Variants in LRP1 observed in about 807,000 individuals in gnomAD.
LRP1 encodes the protein prolow-density lipoprotein receptor-related protein 1.
A neutral mutation model predicts 541.5 loss-of-function variants in LRP1; 51 were observed. The ratio of observed to expected loss-of-function variants is 0.09; its 90% confidence interval spans 0.08 to 0.12. The LOEUF is 0.12. LRP1 is among the 10% of genes least tolerant of loss of function. The pLI is 1.00. For missense variants in LRP1, 3,878 were observed against 6,376.2 expected (o/e 0.61, Z 13.34); for synonymous variants, 2,219 against 2,470.8 (o/e 0.90, Z 3.02).
intron 17 of LRP1, 58 bp downstream of exon 17, chr12:57,166,267 C>T (rs1001211756): frequency 2.4e-5 from 37 of 1,534,134 alleles, no homozygotes; most frequent in Middle Eastern, 1.7e-4. Flanking sequence ...GCAGGGGAGA[C>T]GAGGGGGCCA....
At chr12:57,167,121 C>A in intron 18 of LRP1, 75 bp downstream of exon 18, 2 of 1,238,684 alleles carry the variant, frequency 1.6e-6, no homozygotes, top group Non-Finnish European at 2.3e-6. Flanking sequence ...GTTGGGGGTG[C>A]CGGAGACACC....
intron 15 of LRP1, among the ~76,000 whole-genome samples, chr12:57,164,273 C>T (rs1244685767): frequency 6.6e-6 from 1 of 152,188 alleles, no homozygotes; most frequent in Non-Finnish European, 1.5e-5. Context: ...ACCACTGTTA[C>T]CATTTGGGGG....
chr12:57,141,665 C>T (rs150660560), intron 3 of LRP1, among the ~76,000 whole-genome samples, 154 bp downstream of exon 3: 111 of 152,338 alleles, frequency 7.3e-4, no homozygotes, highest in African/African-American at 2.6e-3. Flanking sequence ...ATTGATGTGC[C>T]CCTTGGGCCT....
chr12:57,187,476 T>C lies in LRP1; in HGVS notation c.7031+20T>C. The C allele has an allele frequency of 2.5e-6, 4 of 1,605,984 alleles. No individual in the cohort carries two copies. Among genetic ancestry groups the C allele is most frequent in the Non-Finnish European group, 3.4e-6 (4 of 1,175,666 alleles). The stretch of plus-strand genomic sequence containing the variant: ...CCAGAAGTGAGCTGCTGCCTGGGGA[T>C]GGGGGTAGCAGGGAGAGGTGGGACT... On this transcript the variant is annotated intron_variant, in intron 42 of 88. Coordinates refer to ENST00000243077, the MANE Select transcript of LRP1 (RefSeq NM_002332.3).
intron 61 of LRP1, 81 bp from the exon 62 acceptor site, chr12:57,199,796 C>T (rs921568721): frequency 1.8e-5 from 27 of 1,485,772 alleles, no homozygotes; most frequent in African/African-American, 4.2e-5. Context: ...ACCCACCCGC[C>T]TCTGTCCAGG....
chr12:57,151,343 T>A (rs1212950740), intron 6 of LRP1, among the ~76,000 whole-genome samples: 1 of 152,214 alleles, frequency 6.6e-6, no homozygotes, highest in Non-Finnish European at 1.5e-5. Flanking sequence ...GTCTCTCGTC[T>A]GACTCCTGCA....
chr12:57,162,813 T>C lies in LRP1; in HGVS notation c.2405-45T>C, dbSNP rs1053611356. 6 of 1,569,472 alleles carry C rather than the reference T, an allele frequency of 3.8e-6. No individual in the cohort carries two copies. The highest frequency in any genetic ancestry group is 1.7e-4 in the Middle Eastern group (1 of 6,022). ...CCCCTATCCCTTCTCTGACCTCTCCTCACCTCTTCCTCCCTTTGCCTTTCC... is the reference window on the plus strand; with the variant it reads ...CCCCTATCCCTTCTCTGACCTCTCCCCACCTCTTCCTCCCTTTGCCTTTCC... On this transcript the variant is annotated intron_variant, in intron 14 of 88. Coordinates refer to ENST00000243077, the MANE Select transcript of LRP1 (RefSeq NM_002332.3). The surrounding 1 kb of genome is among the most constrained non-coding windows in gnomAD (Gnocchi z 5.2).
chr12:57,167,783 C>G (rs574844136), intron 19 of LRP1, among the ~76,000 whole-genome samples: 1 of 152,206 alleles, frequency 6.6e-6, no homozygotes, highest in South Asian at 2.1e-4. Context: ...TAGTAGGGCT[C>G]GGAGGCCAGG....
At chr12:57,145,642 G>A in intron 6 of LRP1, 152 bp downstream of exon 6, 1 of 1,046,882 alleles carries the variant, frequency 9.6e-7, no homozygotes, top group Non-Finnish European at 1.4e-6. Context: ...TGTGTTTGAG[G>A]CAGGGGCAGA....
At chr12:57,166,867 G>A in intron 17 of LRP1, 63 bp from the exon 18 acceptor site, 1 of 847,412 alleles carries the variant, frequency 1.2e-6, no homozygotes, top group South Asian at 1.4e-5. Flanking sequence ...GAATAATAGG[G>A]AAGAAGAGGC....
rs781268993 is a variant in LRP1, at chr12:57,198,620, G to A, written c.9626G>A (p.Arg3209His). The part of the protein sequence containing the change: ...VTERIYWADA[R>H]EDYIEFASLD... ...GAGCGCATCTACTGGGCCGACGCCC[G>A]CGAGGACTACATTGAATTTGCCAGC... The change falls in exon 60 of 89, where the codon CGC becomes CAC. Residue 3209 changes from arginine (R) to histidine (H), a missense_variant. By Grantham distance (29) the Arg-to-His change is conservative. Coordinates refer to ENST00000243077, the MANE Select transcript of LRP1 (RefSeq NM_002332.3). The A allele has an allele frequency of 2.2e-5, 35 of 1,613,134 alleles. No homozygotes were observed. The highest frequency in any genetic ancestry group is 2.6e-5 in the Non-Finnish European group (31 of 1,179,756).
In LRP1 at chr12:57,206,844, C is replaced by T. The variant is rs557140726; in HGVS notation, c.11859+103C>T. ...AGTGCTGGCTAGGCGCAGTGGCTCA[C>T]GCCTATAATCCCAGCACTTTGGGAG... On this transcript the variant is annotated intron_variant, in intron 76 of 88. Transcript: ENST00000243077. This position sits in a 1 kb window ranked among gnomAD's most constrained non-coding sequence, Gnocchi z 4.7. 1.0e-5 allele frequency: 14 copies of T among 1,334,746 alleles called. No individual in the cohort carries two copies. Among genetic ancestry groups the T allele is most frequent in the Admixed American group, 8.0e-5 (4 of 50,220 alleles). The allele number at this position is 1,334,746 out of a possible 1,614,324, so 82.7% of individuals were successfully genotyped here.
chr12:57,156,075 T>C lies in LRP1; in HGVS notation c.1228-19T>C. ...ACCCCTGTCATCTCATGCTGTCCAT[T>C]CTTGCCTGCCCGTCTCAGATTGAGC... is the stretch of plus-strand genomic sequence containing the variant. On this transcript the variant is annotated intron_variant, in intron 8 of 88. Coordinates refer to ENST00000243077, the MANE Select transcript of LRP1 (RefSeq NM_002332.3). This position sits in a 1 kb window ranked among gnomAD's most constrained non-coding sequence, Gnocchi z 5.2. The C allele has an allele frequency of 6.2e-7, 1 of 1,609,406 alleles. No individual in the cohort carries two copies. The highest frequency in any genetic ancestry group is 8.5e-7 in the Non-Finnish European group (1 of 1,177,024).
At position 57,197,937 on chromosome 12, in the gene LRP1, C is replaced by T. The variant is rs373782493; in HGVS notation, c.9283-219C>T. ...TGGCCAAGCACTGTGAGGCTTGGGG[C>T]GTGGTCCCATTCACCTAGAGCCCCC... On this transcript the variant is annotated intron_variant, in intron 58 of 88. Coordinates refer to ENST00000243077, the MANE Select transcript of LRP1 (RefSeq NM_002332.3). This position sits in a 1 kb window ranked among gnomAD's most constrained non-coding sequence, Gnocchi z 4.5. Among the ~76,000 whole-genome samples the T allele has an allele frequency of 1.3e-3, 191 of 152,292 alleles. 6 individuals are homozygous for T. The South Asian group carries it at 0.038, about 30-fold the overall frequency.
In LRP1 at chr12:57,167,484, C is replaced by A. The variant is rs1252824150; in HGVS notation, c.2955C>A (p.Asn985Lys). The change falls in exon 19 of 89, where the codon AAC (asparagine) becomes AAA (lysine). Residue 985 changes from asparagine to lysine, a missense_variant. Physicochemically the swap from Asn to Lys is moderately conservative, Grantham distance 94. Coordinates refer to ENST00000243077, the MANE Select transcript of LRP1 (RefSeq NM_002332.3). The part of the protein sequence containing the change: ...TCFPLTQFTC[N>K]NGRCININWR... ...TCCCCCTGACTCAGTTTACCTGCAA[C>A]AATGGCAGATGTATCAACATCAACT... 6.2e-7 allele frequency: 1 copy of A among 1,614,164 alleles called. No homozygotes were observed. The highest frequency in any genetic ancestry group is 8.5e-7 in the Non-Finnish European group (1 of 1,179,992).
chr12:57,175,872 G>T (rs759454175), intron 23 of LRP1, 37 bp from the exon 24 acceptor site: 3 of 1,608,056 alleles, frequency 1.9e-6, no homozygotes, highest in South Asian at 2.2e-5. Flanking sequence ...CAGGCAGCTA[G>T]CCCCTTGCTG....
At position 57,201,982 on chromosome 12, in the gene LRP1, T is replaced by C; in HGVS notation, c.10594+77T>C. Reference sequence around the variant, plus strand: ...ATGGCACCCCTGGCAGGTGGAGGGCTGGGGGCCGCCTGCTTACCGGTCTCA... The same window carrying C: ...ATGGCACCCCTGGCAGGTGGAGGGCCGGGGGCCGCCTGCTTACCGGTCTCA... On this transcript the variant is annotated intron_variant, in intron 67 of 88. Coordinates refer to ENST00000243077, the MANE Select transcript of LRP1 (RefSeq NM_002332.3). The surrounding 1 kb of genome is among the most constrained non-coding windows in gnomAD (Gnocchi z 6.4). The C allele has an allele frequency of 6.3e-7, 1 of 1,579,388 alleles. No individual in the cohort carries two copies. The highest frequency in any genetic ancestry group is 8.7e-7 in the Non-Finnish European group (1 of 1,153,550).
chr12:57,157,335 G>C (rs1322195590), intron 10 of LRP1, among the ~76,000 whole-genome samples: 2 of 152,230 alleles, frequency 1.3e-5, no homozygotes, highest in Non-Finnish European at 2.9e-5. Context: ...GAATAGTCAG[G>C]CGTGGTGGCT....
At position 57,204,972 on chromosome 12, in the gene LRP1, G is replaced by A. The variant is rs1381053291; in HGVS notation, c.11195-137G>A. 1.4e-6 allele frequency: 2 copies of A among 1,400,620 alleles called. No individual in the cohort carries two copies. Among genetic ancestry groups the A allele is most frequent in the Non-Finnish European group, 1.9e-6 (2 of 1,033,062 alleles). 86.8% of individuals were successfully genotyped at this position (1,400,620 alleles called of 1,614,324 possible). A position where few individuals can be genotyped will look rare whatever the true frequency, so the allele number is the denominator to read the frequency against. On this transcript the variant is annotated intron_variant, in intron 72 of 88. Coordinates refer to ENST00000243077, the MANE Select transcript of LRP1 (RefSeq NM_002332.3). The surrounding 1 kb of genome is among the most constrained non-coding windows in gnomAD (Gnocchi z 5.3). ...TGCCTTAGGTCTTGGAGGTGGGGCT[G>A]GGAACCCAAATGTTTGACCTGCTCC...
Sources: allele counts gnomAD v4.1 joint callset (sites outside exome capture counted in the v4.1 genomes callset), GRCh38; gene constraint gnomAD v4.1.1; non-coding constraint Gnocchi (gnomAD v3.1); transcripts MANE v1.5; gene names NCBI Gene and HGNC (gene_info 2026-07-23, HGNC 2026-07-21).